The following COL4A4 variants were observed in gnomAD, a reference collection of about 807,000 sequenced individuals.
The protein encoded by COL4A4 is collagen alpha-4(IV) chain.
In COL4A4, 105 loss-of-function variants were observed where a neutral mutation model predicts 192.9. The ratio of observed to expected loss-of-function variants is 0.54; its 90% confidence interval spans 0.46 to 0.64. The LOEUF (loss-of-function observed/expected upper bound fraction) is 0.64, where lower values mean the gene tolerates loss of function less well. Ranked by LOEUF, COL4A4 falls within the 30% of genes least tolerant of loss-of-function variation. The pLI, the probability that COL4A4 is intolerant of heterozygous loss-of-function variation, is 0.00. For synonymous variants in COL4A4, 762 were observed against 769.9 expected (o/e 0.99, Z 0.17); for missense variants, 1,967 against 2,169.3 (o/e 0.91, Z 1.85).
rs112204566 is a variant in COL4A4 at position 227,121,111 on chromosome 2, C to G, written c.230G>C (p.Gly77Ala). Residue 77 changes from glycine (G) to alanine (A), a missense_variant, in exon 5 of 48, where the codon GGA becomes GCA. By Grantham distance (60) the Gly-to-Ala change is moderately conservative. Transcript: ENST00000396625. Reference protein sequence around the residue: ...PGPPGPQGPIGPLGAPGPIGL... With the variant: ...PGPPGPQGPIAPLGAPGPIGL... ...AATGGGTCCTGGGGCTCCCAGGGGT[C>G]CAATTGGACCCTGTGGCCCTGGTGG... is the stretch of plus-strand genomic sequence containing the variant. 6.2e-7 allele frequency: 1 copy of G among 1,614,082 alleles called. No homozygotes were observed.
chr2:227,056,045 G>A lies in COL4A4; in HGVS notation c.2616C>T (p.Pro872=), dbSNP rs1048042338. 24 of 1,613,716 alleles carry A rather than the reference G, an allele frequency of 1.5e-5. No individual in the cohort carries two copies. The highest frequency in any genetic ancestry group is 2.7e-5 in the African/African-American group (2 of 74,864). Residue 872 remains proline, a synonymous_variant, in exon 30 of 48, where the codon CCC becomes CCT. Coordinates refer to ENST00000396625, the MANE Select transcript of COL4A4 (RefSeq NM_000092.5). ...GTGCCCCAGGCCGTCCTGGGAGTCC[G>A]GGGAGGCCTTTCATTCCAGCTGGCC... ...PPGPAGMKGL[P]GLPGRPGAHG... is the part of the protein sequence containing the mutation.
At chr2:226,994,901 A>G in the COL4A4 span, among the ~76,000 whole-genome samples, 2 of 152,110 alleles carry the variant, frequency 1.3e-5, no homozygotes, top group Non-Finnish European at 2.9e-5. Flanking sequence ...ACCTGCCCAG[A>G]TATTGATCAG....
chr2:227,116,901 A>G (rs944581823), intron 7 of COL4A4, among the ~76,000 whole-genome samples: 3 of 152,260 alleles, frequency 2.0e-5, no homozygotes, highest in Non-Finnish European at 4.4e-5. Flanking sequence ...CACAAGTTAC[A>G]TGATGAGAAA....
chr2:227,053,543 CTTTTTTTTTTT>C lies in COL4A4; in HGVS notation c.2860+1040_2860+1050del, dbSNP rs56724633. ...GTAAAGAAAACATTTTTTTCTTTTT[CTTTTTTTTTTT>C]TTTTTTTTTTGGAGACAGAATCTCA... is the stretch of plus-strand genomic sequence containing the variant. On this transcript the variant is annotated intron_variant, in intron 31 of 47. Transcript: ENST00000396625. Among the ~76,000 whole-genome samples, 9 of 102,236 alleles carry C rather than the reference CTTTTTTTTTTT, an allele frequency of 8.8e-5. No homozygotes were observed. In the East Asian group the frequency reaches 1.4e-3, roughly 15 times the overall value. The allele number at this position is 102,236 out of a possible 152,430, so 67.1% of individuals were successfully genotyped here. A position where few individuals can be genotyped will look rare whatever the true frequency, so the allele number is the denominator to read the frequency against.
chr2:227,069,701 C>T (rs928289495), intron 25 of COL4A4, among the ~76,000 whole-genome samples: 1 of 152,120 alleles, frequency 6.6e-6, no homozygotes, highest in Non-Finnish European at 1.5e-5. Context: ...TTCCTTACAC[C>T]TTATACAAAA....
intron 25 of COL4A4, among the ~76,000 whole-genome samples, chr2:227,070,248 G>A (rs1169357750): frequency 6.6e-6 from 1 of 151,144 alleles, no homozygotes; most frequent in Non-Finnish European, 1.5e-5. Context: ...TGGAGAAATA[G>A]GAACACTTTT....
At chr2:226,981,145 C>T in the COL4A4 span, among the ~76,000 whole-genome samples, 2 of 152,090 alleles carry the variant, frequency 1.3e-5, no homozygotes, top group African/African-American at 4.8e-5. Context: ...CATGTTCTCA[C>T]TCATAGGTGG....
rs755071737 is a variant in COL4A4, at chr2:227,078,029, G to A, written c.1852C>T (p.Leu618=). 1.2e-6 allele frequency: 2 copies of A among 1,614,068 alleles called. No individual in the cohort carries two copies. Among genetic ancestry groups the A allele is most frequent in the Admixed American group, 3.3e-5 (2 of 60,008 alleles). ...GGTCCTGCTTTGCCTGGGGGGCCCA[G>A]AGGTCCAGGAAATCCTTTACCACCT... is the stretch of plus-strand genomic sequence containing the variant. The part of the protein sequence containing the change: ...TPGGKGFPGP[L]GPPGKAGPVG... The change falls in exon 25 of 48, where the codon CTG becomes TTG. Residue 618 remains leucine, a synonymous_variant. Coordinates refer to ENST00000396625, the MANE Select transcript of COL4A4 (RefSeq NM_000092.5).
chr2:227,067,603 G>A (rs562310823), intron 25 of COL4A4, among the ~76,000 whole-genome samples: 20 of 152,196 alleles, frequency 1.3e-4, no homozygotes, highest in African/African-American at 4.8e-4. Flanking sequence ...TGAACAACCT[G>A]CTCCTGAATG....
chr2:227,041,848 G>GAGAGAGAGAGAGAGAGAGAGAA (rs1971305412), intron 37 of COL4A4, among the ~76,000 whole-genome samples: 2 of 38,734 alleles, frequency 5.2e-5, no homozygotes, highest in South Asian at 9.4e-4. Context: ...AAGAAAGAAA[G>GAGAGAGAGAGAGAGAGAGAGAA]AGAAAGAAAG....
rs375039205 is a variant in COL4A4 at position 227,095,275 on chromosome 2, C to T, written c.1205-986G>A. ...GACTCACGTAATCATCTAGGTAGAA[C>T]ATAAAATATTGTACCTATCACAGCA... On this transcript the variant is annotated intron_variant, in intron 19 of 47. Coordinates refer to ENST00000396625, the MANE Select transcript of COL4A4 (RefSeq NM_000092.5). Among the ~76,000 whole-genome samples the T allele has an allele frequency of 1.8e-4, 27 of 152,260 alleles. No individual in the cohort carries two copies. In the South Asian group the frequency reaches 5.0e-3, roughly 28 times the overall value.
At chr2:227,143,109 C>T (rs2063330630) in intron 3 of COL4A4, among the ~76,000 whole-genome samples, 2 of 152,034 alleles carry the variant, frequency 1.3e-5, no homozygotes, top group Non-Finnish European at 2.9e-5. Context: ...TTATTTTTAT[C>T]CAAATGGTGG....
At chr2:227,102,540 C>A (rs746089312) in intron 15 of COL4A4, among the ~76,000 whole-genome samples, 2 of 152,208 alleles carry the variant, frequency 1.3e-5, no homozygotes, top group Non-Finnish European at 2.9e-5. Flanking sequence ...AGGTGCCAGA[C>A]AAGAGATGGC....
At chr2:227,055,695 G>C (rs745438643) in intron 30 of COL4A4, among the ~76,000 whole-genome samples, 8 of 151,848 alleles carry the variant, frequency 5.3e-5, no homozygotes, top group African/African-American at 1.9e-4. Context: ...GGAGTTTACC[G>C]TGCTACCCAG....
chr2:226,988,176 T>C, the COL4A4 span, among the ~76,000 whole-genome samples: 1 of 152,336 alleles, frequency 6.6e-6, no homozygotes, highest in South Asian at 2.1e-4. Context: ...TACTCTTTTC[T>C]TTTTAAAATA....
intron 25 of COL4A4, 92 bp from the exon 26 acceptor site, chr2:227,062,690 C>A: frequency 1.1e-6 from 1 of 894,024 alleles, no homozygotes; most frequent in South Asian, 1.4e-5. Context: ...AGATATTTTT[C>A]TGTATAGTAT....
At chr2:227,153,719 T>C (rs775457361) in intron 1 of COL4A4, among the ~76,000 whole-genome samples, 3 of 151,942 alleles carry the variant, frequency 2.0e-5, no homozygotes, top group Non-Finnish European at 4.4e-5. Context: ...AATTGGACAT[T>C]AGATGGCTGA....
At chr2:226,985,954 G>A in the COL4A4 span, among the ~76,000 whole-genome samples, 3 of 152,242 alleles carry the variant, frequency 2.0e-5, no homozygotes, top group Non-Finnish European at 2.9e-5. Context: ...GTTCAAAGTG[G>A]AGAAAACTGA....
At chr2:227,125,778 C>G (rs527542074) in intron 4 of COL4A4, among the ~76,000 whole-genome samples, 7 of 152,266 alleles carry the variant, frequency 4.6e-5, no homozygotes, top group Admixed American at 6.5e-5. Context: ...TGCCCCTGTT[C>G]TGGAGAAGGA....
Sources: gnomAD v4.1 joint callset for allele counts (sites outside exome capture counted in the v4.1 genomes callset) on GRCh38, gnomAD v4.1.1 for gene constraint, MANE v1.5 for transcripts, NCBI Gene and HGNC (gene_info 2026-07-23, HGNC 2026-07-21) for gene names.